NRG3: variants seen among roughly 807,000 people sequenced by gnomAD.
NRG3 encodes the protein pro-neuregulin-3, membrane-bound isoform.
NRG3 carries 31 observed loss-of-function variants against 66.9 expected under a neutral mutation model. That is an observed-to-expected ratio of 0.46 (90% CI 0.35 to 0.63). The LOEUF (loss-of-function observed/expected upper bound fraction) is 0.63. Ranked by LOEUF, NRG3 falls within the 20% of genes least tolerant of loss-of-function variation. The probability of loss-of-function intolerance (pLI) is 0.00; values close to 1 mark genes in which losing one functional copy is unlikely to be tolerated. For missense variants in NRG3, 910 were observed against 878.9 expected (o/e 1.04, Z -0.45); for synonymous variants, 393 against 359.4 (o/e 1.09, Z -1.06).
Position 82,781,977 on chromosome 10 carries a change from G to A in NRG3, c.1027+43327G>A, listed in dbSNP as rs555181355. Among the ~76,000 whole-genome samples, 45 of 152,214 alleles carry A rather than the reference G, an allele frequency of 3.0e-4. No individual in the cohort carries two copies. In the South Asian group the frequency reaches 9.4e-3, roughly 32 times the overall value. On this transcript the variant is annotated intron_variant, in intron 3 of 8. Coordinates refer to ENST00000372141, the MANE Select transcript of NRG3 (RefSeq NM_001010848.4). Reference sequence around the variant, plus strand: ...TGCTTTGCTACTTTCCACTCGTCCAGTGTATCTTTTTGTGCTCCCAAGAAA... The same window carrying A: ...TGCTTTGCTACTTTCCACTCGTCCAATGTATCTTTTTGTGCTCCCAAGAAA...
chr10:82,555,647 A>C (rs1398783291), intron 2 of NRG3, among the ~76,000 whole-genome samples: 1 of 152,126 alleles, frequency 6.6e-6, no homozygotes, highest in Non-Finnish European at 1.5e-5. Context: ...CCTTCTGTTA[A>C]AATTAACTCA....
chr10:82,134,086 C>G (rs2069141768), intron 1 of NRG3, among the ~76,000 whole-genome samples: 1 of 151,862 alleles, frequency 6.6e-6, no homozygotes, highest in African/African-American at 2.4e-5. Flanking sequence ...CTGTTCATGT[C>G]CTTTGCCCAC....
chr10:82,317,957 T>C (rs2081376977), intron 1 of NRG3, among the ~76,000 whole-genome samples: 1 of 151,352 alleles, frequency 6.6e-6, no homozygotes, highest in African/African-American at 2.4e-5. Flanking sequence ...TTTTTTTACA[T>C]AAGATGATAT....
chr10:82,462,152 T>G (rs1218447597), intron 2 of NRG3, among the ~76,000 whole-genome samples: 1 of 151,930 alleles, frequency 6.6e-6, no homozygotes, highest in Non-Finnish European at 1.5e-5. Context: ...AATAAATAAA[T>G]AAATCTATCT....
intron 1 of NRG3, among the ~76,000 whole-genome samples, chr10:82,152,577 T>A (rs2070839625): frequency 6.6e-6 from 1 of 152,036 alleles, no homozygotes; most frequent in African/African-American, 2.4e-5. Context: ...GGACTGAAGA[T>A]CTAGTTTTGC....
chr10:82,309,825 G>A (rs1042279353), intron 1 of NRG3, among the ~76,000 whole-genome samples: 3 of 152,182 alleles, frequency 2.0e-5, no homozygotes, highest in Non-Finnish European at 2.9e-5. Flanking sequence ...GGTGTTCTAA[G>A]CCAACATGTA....
chr10:82,649,868 T>A (rs112177644), intron 2 of NRG3, among the ~76,000 whole-genome samples: 8 of 152,128 alleles, frequency 5.3e-5, no homozygotes, highest in African/African-American at 1.7e-4. Flanking sequence ...TGATTATTGC[T>A]CAGAATTTTT....
chr10:82,453,125 CTACCTTACAGATTATTATTATTATT>C (rs762833123), intron 2 of NRG3, among the ~76,000 whole-genome samples: 9 of 152,104 alleles, frequency 5.9e-5, no homozygotes, highest in Non-Finnish European at 1.0e-4. Context: ...GAGAACTTAA[CTACCTTACAGATTATTATTATTATT>C]ATATGGGATT....
chr10:82,650,635 C>T (rs1178671703), intron 2 of NRG3, among the ~76,000 whole-genome samples: 1 of 152,218 alleles, frequency 6.6e-6, no homozygotes, highest in Non-Finnish European at 1.5e-5. Context: ...CTGGGCCATG[C>T]ATCCACATCA....
At chr10:82,274,809 G>A (rs990777021) in intron 1 of NRG3, among the ~76,000 whole-genome samples, 8 of 151,836 alleles carry the variant, frequency 5.3e-5, no homozygotes, top group African/African-American at 1.2e-4. Flanking sequence ...TTATTTCATC[G>A]TCCCATTAAA....
At chr10:82,383,750 A>G (rs1332180493) in intron 2 of NRG3, among the ~76,000 whole-genome samples, 1 of 152,020 alleles carries the variant, frequency 6.6e-6, no homozygotes, top group African/African-American at 2.4e-5. Flanking sequence ...CTGCATTTAT[A>G]CATCTCTACA....
At chr10:82,478,460 C>T (rs541586538) in intron 2 of NRG3, among the ~76,000 whole-genome samples, 2 of 49,484 alleles carry the variant, frequency 4.0e-5, no homozygotes, top group Admixed American at 2.1e-4. Flanking sequence ...TGACTCTTAA[C>T]GAGCATGCTG....
chr10:82,710,397 C>G (rs973938474), intron 2 of NRG3, among the ~76,000 whole-genome samples: 3 of 151,818 alleles, frequency 2.0e-5, no homozygotes, highest in Admixed American at 6.6e-5. Context: ...ACTAGCCTGC[C>G]CAACATGGTA....
At chr10:82,597,066 C>T (rs1038492623) in intron 2 of NRG3, among the ~76,000 whole-genome samples, 2 of 152,096 alleles carry the variant, frequency 1.3e-5, no homozygotes, top group African/African-American at 4.8e-5. Flanking sequence ...TTACCATATG[C>T]GTTTTAACAA....
intron 2 of NRG3, among the ~76,000 whole-genome samples, chr10:82,461,155 C>G (rs529052452): frequency 6.6e-6 from 1 of 152,006 alleles, no homozygotes; most frequent in Admixed American, 6.6e-5. Context: ...CCATTATGAT[C>G]AGTATCACCA....
rs746699197 is a variant in NRG3, at chr10:82,003,988, AACACACACACAC to A, written c.823+127861_823+127872del. On this transcript the variant is annotated intron_variant, in intron 1 of 8. Transcript: ENST00000372141. ...GGTGCTGTAAGGATACCTGACTGAA[AACACACACACAC>A]ACACACACACACACACACACACACA... Among the ~76,000 whole-genome samples, 96 of 134,418 alleles carry A rather than the reference AACACACACACAC, an allele frequency of 7.1e-4. 1 individual carries two copies. Among genetic ancestry groups the A allele is most frequent in the Middle Eastern group, 3.8e-3 (1 of 264 alleles). The allele number at this position is 134,418 out of a possible 152,430, so 88.2% of individuals were successfully genotyped here. A position where few individuals can be genotyped will look rare whatever the true frequency, so the allele number is the denominator to read the frequency against.
At chr10:82,492,648 G>A (rs1213498931) in intron 2 of NRG3, among the ~76,000 whole-genome samples, 1 of 152,232 alleles carries the variant, frequency 6.6e-6, no homozygotes, top group African/African-American at 2.4e-5. Context: ...AGAAACTGAA[G>A]CTCAGAAAGG....
At chr10:82,559,903 T>A (rs2044916793) in intron 2 of NRG3, among the ~76,000 whole-genome samples, 1 of 152,090 alleles carries the variant, frequency 6.6e-6, no homozygotes, top group Non-Finnish European at 1.5e-5. Flanking sequence ...AAATATAAAG[T>A]ATTAAAACAC....
intron 1 of NRG3, among the ~76,000 whole-genome samples, chr10:81,979,248 C>T (rs2060244296): frequency 6.7e-6 from 1 of 149,248 alleles, no homozygotes; most frequent in East Asian, 2.0e-4. Flanking sequence ...CCCCAGGTAA[C>T]TTTGTGTCAA....
Sources: gnomAD v4.1 joint callset for allele counts (sites outside exome capture counted in the v4.1 genomes callset) on GRCh38, gnomAD v4.1.1 for gene constraint, MANE v1.5 for transcripts, NCBI Gene and HGNC (gene_info 2026-07-23, HGNC 2026-07-21) for gene names.